GLRA2: variants seen among roughly 807,000 people sequenced by gnomAD.
GLRA2 encodes glycine receptor subunit alpha-2.
GLRA2 carries 11 observed loss-of-function variants against 31.6 expected under a neutral mutation model. That is an observed-to-expected ratio of 0.35 (90% CI 0.22 to 0.58). The LOEUF (loss-of-function observed/expected upper bound fraction) is 0.58, where lower values mean the gene tolerates loss of function less well. Ranked by LOEUF, GLRA2 falls within the 20% of genes least tolerant of loss-of-function variation. The pLI is 0.84. For missense variants in GLRA2, 212 were observed against 351.8 expected (o/e 0.60, Z 3.18); for synonymous variants, 132 against 134.0 (o/e 0.99, Z 0.10).
intron 4 of GLRA2, among the ~76,000 whole-genome samples, chrX:14,596,683 C>T (rs750152672): frequency 2.7e-5 from 3 of 111,244 alleles, no homozygotes; most frequent in Admixed American, 1.9e-4. Context: ...CAAAGGAGTG[C>T]TACTGTTACT....
chrX:14,622,245 G>A (rs1412336820), intron 7 of GLRA2, among the ~76,000 whole-genome samples: 3 of 111,630 alleles, frequency 2.7e-5, no homozygotes, highest in African/African-American at 9.8e-5. Context: ...TAAGTTTTTT[G>A]TAGATTCTGT....
At chrX:14,685,955 AT>A (rs1183819905) in intron 7 of GLRA2, among the ~76,000 whole-genome samples, 4 of 111,780 alleles carry the variant, frequency 3.6e-5, no homozygotes, top group African/African-American at 6.5e-5. Flanking sequence ...ATTTAGTGCT[AT>A]AAATTTCCCT....
At chrX:14,508,687 C>T in the GLRA2 span, among the ~76,000 whole-genome samples, 1 of 111,877 alleles carries the variant, frequency 8.9e-6, no homozygotes, top group Non-Finnish European at 1.9e-5. Flanking sequence ...TTTTAATACA[C>T]TTCATGCCTA....
In GLRA2 at chrX:14,688,783, C is replaced by T. The variant is rs748004521; in HGVS notation, c.931-1927C>T. 6.3e-4 allele frequency among the ~76,000 whole-genome samples: 70 copies of T among 110,258 alleles called. No individual in the cohort carries two copies. In the South Asian group the frequency reaches 0.019, roughly 30 times the overall value. On this transcript the variant is annotated intron_variant, in intron 7 of 8. Coordinates refer to ENST00000218075, the MANE Select transcript of GLRA2 (RefSeq NM_002063.4). ...CAATGCCTCACCCTGGTCCGGCTCA[C>T]GCTCGGTGGGCTGCACCCACTGTCC...
chrX:14,697,358 T>G (rs1232537836), intron 8 of GLRA2, among the ~76,000 whole-genome samples: 1 of 112,128 alleles, frequency 8.9e-6, no homozygotes, highest in African/African-American at 3.2e-5. Flanking sequence ...GGAAACGGGT[T>G]TGGTTGACCT....
the GLRA2 span, among the ~76,000 whole-genome samples, chrX:14,488,570 C>T: frequency 8.9e-6 from 1 of 112,491 alleles, no homozygotes; most frequent in Non-Finnish European, 1.9e-5. Flanking sequence ...GCCATCCTGG[C>T]AATGTCGCAT....
chrX:14,477,004 G>T, the GLRA2 span, among the ~76,000 whole-genome samples: 1 of 111,823 alleles, frequency 8.9e-6, no homozygotes, highest in Non-Finnish European at 1.9e-5. Flanking sequence ...TTTAATGCAA[G>T]GGATAGGGGA....
At chrX:14,458,644 C>T in the GLRA2 span, among the ~76,000 whole-genome samples, 1 of 112,297 alleles carries the variant, frequency 8.9e-6, no homozygotes, top group Non-Finnish European at 1.9e-5. Context: ...AGTTTTTCAT[C>T]TGTCTGTGGG....
chrX:14,586,331 T>C (rs1285147541), intron 4 of GLRA2, among the ~76,000 whole-genome samples: 3 of 112,358 alleles, frequency 2.7e-5, no homozygotes, highest in Non-Finnish European at 5.6e-5. Context: ...TCTTTGTTGA[T>C]GAAAAAGTAC....
chrX:14,592,851 A>G (rs915963454), intron 4 of GLRA2, among the ~76,000 whole-genome samples: 4 of 112,416 alleles, frequency 3.6e-5, no homozygotes, highest in African/African-American at 1.3e-4. Flanking sequence ...ACTTTTAGAC[A>G]ATTACACAAA....
chrX:14,680,118 CTTTA>C (rs2091184702), intron 7 of GLRA2, among the ~76,000 whole-genome samples: 1 of 112,469 alleles, frequency 8.9e-6, no homozygotes, highest in Non-Finnish European at 1.9e-5. Flanking sequence ...TCAAATAAAA[CTTTA>C]TTTATAAAAC....
intron 7 of GLRA2, among the ~76,000 whole-genome samples, chrX:14,668,731 C>T (rs1016249172): frequency 6.3e-5 from 7 of 111,609 alleles, no homozygotes; most frequent in African/African-American, 1.6e-4. Context: ...GAGAATAGCA[C>T]GGGAAAGACC....
At chrX:14,654,050 A>G (rs5980057) in intron 7 of GLRA2, among the ~76,000 whole-genome samples, 27,873 of 111,153 alleles carry the variant, frequency 0.25, 2,727 homozygotes, top group Non-Finnish European at 0.31. Flanking sequence ...GCTTGAGCCC[A>G]GGAAGTCAAG....
chrX:14,464,244 AAT>A, the GLRA2 span, among the ~76,000 whole-genome samples: 1 of 111,824 alleles, frequency 8.9e-6, no homozygotes, highest in Non-Finnish European at 1.9e-5. Flanking sequence ...TCTTATTCAC[AAT>A]ATGTTTTCCC....
At chrX:14,662,252 A>T (rs912484061) in intron 7 of GLRA2, among the ~76,000 whole-genome samples, 1 of 109,304 alleles carries the variant, frequency 9.1e-6, no homozygotes, top group Non-Finnish European at 1.9e-5. Context: ...AGAATAAAAC[A>T]CACACACACA....
intron 8 of GLRA2, among the ~76,000 whole-genome samples, chrX:14,721,120 CAAAA>C (rs35339624): frequency 3.6e-4 from 26 of 71,663 alleles, no homozygotes; most frequent in African/African-American, 7.0e-4. Flanking sequence ...GACCCTGTCT[CAAAA>C]AAAAAAAAAA....
intron 8 of GLRA2, among the ~76,000 whole-genome samples, chrX:14,692,665 T>C (rs2091378035): frequency 1.8e-5 from 2 of 111,759 alleles, no homozygotes; most frequent in Admixed American, 1.9e-4. Context: ...AGGTGATTAT[T>C]ATGATGAGAT....
upstream of GLRA2, among the ~76,000 whole-genome samples, chrX:14,527,264 C>T (rs1346685216): frequency 9.0e-6 from 1 of 111,481 alleles, no homozygotes; most frequent in Non-Finnish European, 1.9e-5. Context: ...GCCTGAGTCT[C>T]CTTTGTCACA....
chrX:14,458,333 C>T, the GLRA2 span, among the ~76,000 whole-genome samples: 242 of 111,725 alleles, frequency 2.2e-3, 1 homozygote, highest in African/African-American at 7.3e-3. Context: ...AATAAACATC[C>T]GTGTGCATGT....
Sources: gnomAD v4.1 joint callset for allele counts (sites outside exome capture counted in the v4.1 genomes callset) on GRCh38, gnomAD v4.1.1 for gene constraint, MANE v1.5 for transcripts, NCBI Gene and HGNC (gene_info 2026-07-23, HGNC 2026-07-21) for gene names.